The following CYP27C1 variants were observed in gnomAD, a reference collection of about 807,000 sequenced individuals.
CYP27C1 encodes the protein cytochrome P450 27C1.
In CYP27C1, 29 loss-of-function variants were observed where a neutral mutation model predicts 40.6. The ratio of observed to expected loss-of-function variants is 0.71; its 90% CI spans 0.53 to 0.97. CYP27C1 has a LOEUF of 0.97. Among genes scored for constraint, CYP27C1 ranks in the 50% least tolerant of loss-of-function variants. CYP27C1 has a pLI of 0.00. For synonymous variants in CYP27C1, 198 were observed against 186.8 expected (o/e 1.06, Z -0.49); for missense variants, 390 against 485.8 (o/e 0.80, Z 1.85).
chr2:127,189,746 T>C (rs1682722462), intron 8 of CYP27C1, among the ~76,000 whole-genome samples: 1 of 152,240 alleles, frequency 6.6e-6, no homozygotes, highest in Non-Finnish European at 1.5e-5. Context: ...CCTTTTTATC[T>C]TGGTGAATTC....
intron 8 of CYP27C1, among the ~76,000 whole-genome samples, chr2:127,191,584 G>A (rs1221682689): frequency 1.3e-5 from 2 of 152,356 alleles, no homozygotes; most frequent in South Asian, 2.1e-4. Flanking sequence ...GGGCTCAGAA[G>A]ATGAGAACAG....
In CYP27C1 at chr2:127,208,917, CTT is replaced by C. The variant is rs146302984; in HGVS notation, c.283-2829_283-2828del. Among the ~76,000 whole-genome samples, 1,865 of 152,310 alleles carry C rather than the reference CTT, an allele frequency of 0.012. 30 individuals carry two copies. Among genetic ancestry groups the C allele is most frequent in the African/African-American group, 0.041 (1,716 of 41,558 alleles). On this transcript the variant is annotated intron_variant, in intron 1 of 8. Coordinates refer to ENST00000664447, the MANE Select transcript of CYP27C1 (RefSeq NM_001367502.1). The surrounding 1 kb of genome is among the most constrained non-coding windows in gnomAD (Gnocchi z 5.2). ...CTCTGCGGACCAGCAGATTTAGCCT[CTT>C]CTCCTGGTAGTTCTGAGGAATCCAG...
intron 8 of CYP27C1, among the ~76,000 whole-genome samples, chr2:127,191,807 T>C (rs1156653046): frequency 6.6e-6 from 1 of 152,190 alleles, no homozygotes; most frequent in Non-Finnish European, 1.5e-5. Flanking sequence ...GCCACTCACA[T>C]ACTCCCAGGG....
intron 2 of CYP27C1, among the ~76,000 whole-genome samples, chr2:127,205,427 T>C (rs1312553258): frequency 2.0e-5 from 3 of 152,156 alleles, no homozygotes; most frequent in African/African-American, 7.2e-5. Context: ...CACAGAGGTG[T>C]TGGTGACGCT....
At chr2:127,213,121 G>A (rs1303512127) in intron 1 of CYP27C1, among the ~76,000 whole-genome samples, 1 of 152,028 alleles carries the variant, frequency 6.6e-6, no homozygotes, top group African/African-American at 2.4e-5. Context: ...GAATGTGAAG[G>A]ACCTCTTCAG....
intron 2 of CYP27C1, among the ~76,000 whole-genome samples, chr2:127,205,068 G>A (rs113237049): frequency 2.5e-3 from 382 of 152,256 alleles, no homozygotes; most frequent in Non-Finnish European, 3.8e-3. Flanking sequence ...CATCTCAGCC[G>A]AAGAGGGGTC....
Position 127,193,836 on chromosome 2 carries a change from C to A in CYP27C1, c.1246G>T (p.Val416Phe), listed in dbSNP as rs1292456855. 6.2e-7 allele frequency: 1 copy of A among 1,614,072 alleles called. No individual in the cohort carries two copies. Among genetic ancestry groups the A allele is most frequent in the Non-Finnish European group, 8.5e-7 (1 of 1,180,052 alleles). Reference sequence around the variant, plus strand: ...CCAATAACCAGGTCTTCCTGGGTGACCCGGCCGTTCCCTGGCAGCACTGGA... The same window carrying A: ...CCAATAACCAGGTCTTCCTGGGTGAACCGGCCGTTCCCTGGCAGCACTGGA... Reference protein sequence around the residue: ...LFPVLPGNGRVTQEDLVIGGY... With the variant: ...LFPVLPGNGRFTQEDLVIGGY... Residue 416 changes from valine (V) to phenylalanine (F), a missense_variant, in exon 7 of 9, where the codon GTC becomes TTC. Val to Phe is a conservative substitution (Grantham distance 50). Transcript: ENST00000664447.
chr2:127,188,943 G>T (rs1021866), intron 8 of CYP27C1, among the ~76,000 whole-genome samples: 110,576 of 151,900 alleles, frequency 0.73, 40,488 homozygotes, highest in African/African-American at 0.81. Flanking sequence ...GCTACATCAT[G>T]TGCTGGCATC....
At position 127,209,727 on chromosome 2, in the gene CYP27C1, A is replaced by G. The variant is rs1683301243; in HGVS notation, c.283-3637T>C. ...AGAACTTCGTGAAGCATACACAGGT[A>G]TCAACAGCCAAATCGACCAAGTGGA... On this transcript the variant is annotated intron_variant, in intron 1 of 8. Coordinates refer to ENST00000664447, the MANE Select transcript of CYP27C1 (RefSeq NM_001367502.1). This position sits in a 1 kb window ranked among gnomAD's most constrained non-coding sequence, Gnocchi z 4.1. Among the ~76,000 whole-genome samples, 2 of 152,224 alleles carry G rather than the reference A, an allele frequency of 1.3e-5. No individual in the cohort carries two copies. Among genetic ancestry groups the G allele is most frequent in the African/African-American group, 4.8e-5 (2 of 41,462 alleles).
chr2:127,210,046 C>A (rs1683306921), intron 1 of CYP27C1, among the ~76,000 whole-genome samples: 1 of 152,130 alleles, frequency 6.6e-6, no homozygotes, highest in Non-Finnish European at 1.5e-5. Flanking sequence ...TTAAGATCAA[C>A]CCCAAGACAC....
Position 127,193,157 on chromosome 2 carries a change from A to G in CYP27C1, c.1434T>C (p.His478=), listed in dbSNP as rs142911486. ...VDNFGSIPFG[H]GVRSCIGRRI... ...TCCGCCCTATGCAGCTGCGAACCCCATGACCAAAGGGGATGGATCCAAAAT... is the reference window on the plus strand; with the variant it reads ...TCCGCCCTATGCAGCTGCGAACCCCGTGACCAAAGGGGATGGATCCAAAAT... The change falls in exon 8 of 9, where the codon CAT becomes CAC. Residue 478 remains histidine, a synonymous_variant. Transcript: ENST00000664447. 1.2e-6 allele frequency: 2 copies of G among 1,614,138 alleles called. No individual in the cohort carries two copies. Among genetic ancestry groups the G allele is most frequent in the Non-Finnish European group, 1.7e-6 (2 of 1,180,010 alleles).
chr2:127,207,015 C>T (rs555138969), intron 1 of CYP27C1, among the ~76,000 whole-genome samples: 14 of 152,282 alleles, frequency 9.2e-5, no homozygotes, highest in African/African-American at 3.1e-4. Context: ...TAGCAGTGAA[C>T]AATCCAAAAT....
chr2:127,206,617 G>A (rs962197865), intron 1 of CYP27C1, among the ~76,000 whole-genome samples: 12 of 152,038 alleles, frequency 7.9e-5, no homozygotes, highest in African/African-American at 2.9e-4. Context: ...TATTCTTTAG[G>A]GATATGTTTT....
intron 8 of CYP27C1, among the ~76,000 whole-genome samples, chr2:127,189,168 G>GCCCCCCCCC (rs34707287): frequency 4.1e-4 from 53 of 128,992 alleles, no homozygotes; most frequent in Non-Finnish European, 5.5e-4. Flanking sequence ...AAAAAACACT[G>GCCCCCCCCC]CCCCCCCCCT....
At chr2:127,217,460 CATAACCCATGAGA>C (rs1683452558) in intron 1 of CYP27C1, among the ~76,000 whole-genome samples, 1 of 152,210 alleles carries the variant, frequency 6.6e-6, no homozygotes, top group Admixed American at 6.5e-5. Flanking sequence ...TTGACCTTAT[CATAACCCATGAGA>C]GGAATGGCGA....
At chr2:127,190,261 TA>T (rs375319313) in intron 8 of CYP27C1, among the ~76,000 whole-genome samples, 21 of 148,538 alleles carry the variant, frequency 1.4e-4, no homozygotes, top group Non-Finnish European at 5.9e-5. Context: ...TTTTCTTGAT[TA>T]AAAAAAAATA....
intron 1 of CYP27C1, among the ~76,000 whole-genome samples, chr2:127,213,771 T>C (rs1683377802): frequency 6.6e-6 from 1 of 152,132 alleles, no homozygotes; most frequent in Admixed American, 6.6e-5. Flanking sequence ...GATTTCCTGA[T>C]GAAGACACCA....
intron 8 of CYP27C1, among the ~76,000 whole-genome samples, chr2:127,192,344 T>C (rs574553597): frequency 1.7e-3 from 262 of 152,318 alleles, no homozygotes; most frequent in Non-Finnish European, 2.9e-3. Flanking sequence ...AACAGTCTTC[T>C]CCAACTTGCA....
chr2:127,212,818 G>A (rs1192234237), intron 1 of CYP27C1, among the ~76,000 whole-genome samples: 2 of 152,134 alleles, frequency 1.3e-5, no homozygotes, highest in Admixed American at 6.5e-5. Flanking sequence ...TTTGGCCAGG[G>A]CAATCAAACA....
Sources: gnomAD v4.1 joint callset for allele counts (sites outside exome capture counted in the v4.1 genomes callset) on GRCh38, gnomAD v4.1.1 for gene constraint, Gnocchi (gnomAD v3.1) non-coding constraint, MANE v1.5 for transcripts, NCBI Gene and HGNC (gene_info 2026-07-23, HGNC 2026-07-21) for gene names.